The following RANBP2 variants were observed in gnomAD, a reference collection of about 807,000 sequenced individuals.
RANBP2 encodes RAN binding protein 2, also known as E3 SUMO-protein ligase RanBP2.
In RANBP2, 57 loss-of-function variants were observed where a neutral mutation model predicts 303.6. That is an observed-to-expected ratio of 0.19 (90% CI 0.15 to 0.23). The LOEUF is 0.23. Ranked by LOEUF, RANBP2 falls within the 10% of genes least tolerant of loss-of-function variation. The probability of loss-of-function intolerance (pLI) is 1.00; values close to 1 mark genes in which losing one functional copy is unlikely to be tolerated. For missense variants in RANBP2, 3,138 were observed against 3,780.8 expected (o/e 0.83, Z 4.46); for synonymous variants, 1,167 against 1,301.5 (o/e 0.90, Z 2.23).
intron 4 of RANBP2, among the ~76,000 whole-genome samples, chr2:108,733,795 T>C (rs1695359406): frequency 6.6e-6 from 1 of 152,226 alleles, no homozygotes; most frequent in Non-Finnish European, 1.5e-5. Flanking sequence ...AAGCATTCTT[T>C]AAAGATTTTC....
At chr2:108,788,999 C>G, downstream of RANBP2, 1 of 1,607,512 alleles carries the variant, frequency 6.2e-7, no homozygotes, top group Non-Finnish European at 8.5e-7. Flanking sequence ...TGTTGCTACC[C>G]CCTCAGTATC....
chr2:109,673,521 T>C, the RANBP2 span, among the ~76,000 whole-genome samples: 1 of 152,322 alleles, frequency 6.6e-6, no homozygotes, highest in Non-Finnish European at 1.5e-5. Flanking sequence ...CTGACCTTTT[T>C]GATTTGGGTG....
At chr2:109,283,317 A>T in the RANBP2 span, among the ~76,000 whole-genome samples, 2 of 152,090 alleles carry the variant, frequency 1.3e-5, no homozygotes, top group Non-Finnish European at 2.9e-5. Flanking sequence ...CCTGCTGGAC[A>T]CCTGCTCCCC....
At chr2:109,436,544 G>A in the RANBP2 span, among the ~76,000 whole-genome samples, 1 of 152,238 alleles carries the variant, frequency 6.6e-6, no homozygotes, top group African/African-American at 2.4e-5. Flanking sequence ...CGCGGGACAT[G>A]ACTGAGTCAT....
At chr2:109,525,204 G>A in the RANBP2 span, among the ~76,000 whole-genome samples, 1 of 151,972 alleles carries the variant, frequency 6.6e-6, no homozygotes, top group Non-Finnish European at 1.5e-5. Context: ...ACCCAGGCTG[G>A]AGTGCAGTGA....
chr2:109,603,674 A>G, the RANBP2 span, among the ~76,000 whole-genome samples: 1 of 152,196 alleles, frequency 6.6e-6, no homozygotes, highest in Non-Finnish European at 1.5e-5. Flanking sequence ...TACAACTAAA[A>G]ATCTGGAAAA....
the RANBP2 span, among the ~76,000 whole-genome samples, chr2:108,980,981 T>TG: frequency 0.77 from 117,587 of 151,914 alleles, 47,041 homozygotes; most frequent in South Asian, 0.87. Context: ...GACTAGACCG[T>TG]GGGAATGACT....
At chr2:109,031,705 C>G in the RANBP2 span, among the ~76,000 whole-genome samples, 3 of 152,318 alleles carry the variant, frequency 2.0e-5, no homozygotes, top group East Asian at 3.9e-4. Context: ...CGGGCTCTGC[C>G]GGTGGCAACC....
the RANBP2 span, chr2:108,884,981 A>G: frequency 6.6e-6 from 1 of 152,236 alleles, no homozygotes; most frequent in Non-Finnish European, 1.5e-5. Context: ...AGTTACATCA[A>G]AATTTCTTCC....
At chr2:109,671,501 G>A in the RANBP2 span, among the ~76,000 whole-genome samples, 6 of 152,098 alleles carry the variant, frequency 3.9e-5, no homozygotes, top group African/African-American at 1.4e-4. Flanking sequence ...GCTGCACCAT[G>A]GGCCTCATTG....
chr2:108,965,480 GATA>G, the RANBP2 span, among the ~76,000 whole-genome samples: 451 of 105,420 alleles, frequency 4.3e-3, 1 homozygote, highest in African/African-American at 0.014. Context: ...AAAAAAAAAA[GATA>G]ATAAATGACC....
the RANBP2 span, among the ~76,000 whole-genome samples, chr2:108,900,888 A>G: frequency 1.3e-5 from 2 of 152,186 alleles, no homozygotes; most frequent in Non-Finnish European, 2.9e-5. Flanking sequence ...CAGAGCTCCA[A>G]AATATGTGAA....
the RANBP2 span, among the ~76,000 whole-genome samples, chr2:108,984,132 C>A: frequency 3.3e-5 from 5 of 152,206 alleles, no homozygotes; most frequent in Non-Finnish European, 7.3e-5. Flanking sequence ...ATCCCTTTGG[C>A]ATGTGTTAAC....
At chr2:109,144,046 G>T in the RANBP2 span, among the ~76,000 whole-genome samples, 1 of 152,070 alleles carries the variant, frequency 6.6e-6, no homozygotes, top group African/African-American at 2.4e-5. Context: ...CGAGGCGCCG[G>T]AAGTGTGGGA....
chr2:109,767,576 C>T, the RANBP2 span, among the ~76,000 whole-genome samples: 1 of 147,844 alleles, frequency 6.8e-6, no homozygotes, highest in Non-Finnish European at 1.5e-5. Flanking sequence ...ACCACCCAAT[C>T]CAAGGAACTA....
the RANBP2 span, among the ~76,000 whole-genome samples, chr2:109,286,640 A>G: frequency 2.0e-5 from 3 of 152,310 alleles, no homozygotes; most frequent in South Asian, 6.2e-4. Flanking sequence ...TCTAAATCCC[A>G]GGAGCTCTGA....
At chr2:109,036,466 C>T in the RANBP2 span, among the ~76,000 whole-genome samples, 2 of 152,046 alleles carry the variant, frequency 1.3e-5, no homozygotes, top group African/African-American at 4.8e-5. Flanking sequence ...AATACAGCAT[C>T]GTATATAAAA....
the RANBP2 span, among the ~76,000 whole-genome samples, chr2:109,090,309 CTCACA>C: frequency 1.1e-5 from 1 of 91,644 alleles, no homozygotes; most frequent in Admixed American, 1.6e-4. Flanking sequence ...GACACCTCGC[CTCACA>C]CACACACACA....
chr2:109,235,020 C>A, the RANBP2 span, among the ~76,000 whole-genome samples: 1 of 152,192 alleles, frequency 6.6e-6, no homozygotes, highest in Non-Finnish European at 1.5e-5. Context: ...TCTTTAGAAG[C>A]TGCCCTGGTC....
Sources: gnomAD v4.1 joint callset for allele counts (sites outside exome capture counted in the v4.1 genomes callset) on GRCh38, gnomAD v4.1.1 for gene constraint, MANE v1.5 for transcripts, NCBI Gene and HGNC (gene_info 2026-07-23, HGNC 2026-07-21) for gene names.